Variants in DENR observed in about 807,000 individuals in gnomAD.
DENR encodes density regulated re-initiation and release factor, also known as density-regulated protein.
DENR carries 6 observed loss-of-function variants against 30.6 expected under a neutral mutation model. That is an observed-to-expected ratio of 0.20 (90% CI 0.11 to 0.39). The LOEUF (loss-of-function observed/expected upper bound fraction) is 0.39, where lower values mean the gene tolerates loss of function less well. Ranked by LOEUF, DENR falls within the 10% of genes least tolerant of loss-of-function variation. DENR has a pLI of 1.00. For synonymous variants in DENR, 78 were observed against 72.1 expected (o/e 1.08, Z -0.41); for missense variants, 141 against 230.9 (o/e 0.61, Z 2.52).
intron 4 of DENR, chr12:122,763,200 G>A: frequency 4.1e-6 from 1 of 242,560 alleles, no homozygotes. Flanking sequence ...AGGAGATCAA[G>A]ATCATCTTGG....
In DENR at chr12:122,770,410, T is replaced by C. The variant is rs1355057105; in HGVS notation, c.*1332T>C. 7.7e-6 allele frequency: 3 copies of C among 389,670 alleles called. No individual in the cohort carries two copies. Among genetic ancestry groups the C allele is most frequent in the Non-Finnish European group, 1.4e-5 (3 of 221,142 alleles). The allele number at this position is 389,670 out of a possible 1,614,324, so 24.1% of individuals were successfully genotyped here. On this transcript the variant is annotated 3_prime_UTR_variant, in exon 8 of 8. Transcript: ENST00000280557. ...CAAGTGGAGTACCCCAGATACATTT[T>C]AGACATTTATCGTCATCATCTGCTC...
chr12:122,762,965 A>T (rs1343005176), intron 4 of DENR, 36 bp downstream of exon 4: 5 of 1,196,896 alleles, frequency 4.2e-6, no homozygotes, highest in South Asian at 1.4e-5. Context: ...AAACTTCTGT[A>T]CCTGAGACAA....
chr12:122,757,523 C>G (rs777555942), intron 2 of DENR, among the ~76,000 whole-genome samples: 5 of 152,114 alleles, frequency 3.3e-5, no homozygotes, highest in Non-Finnish European at 7.4e-5. Flanking sequence ...ATTTAATCTT[C>G]AAAATTGAAA....
intron 2 of DENR, among the ~76,000 whole-genome samples, chr12:122,755,631 A>G (rs1355239401): frequency 6.6e-6 from 1 of 152,228 alleles, no homozygotes; most frequent in Non-Finnish European, 1.5e-5. Flanking sequence ...ATTTATTTTA[A>G]CAAGATGCTC....
chr12:122,758,746 A>G (rs1485243167), intron 2 of DENR, among the ~76,000 whole-genome samples: 1 of 152,154 alleles, frequency 6.6e-6, no homozygotes, highest in Non-Finnish European at 1.5e-5. Context: ...TCAAGGCTGC[A>G]TGAGTTAAGA....
chr12:122,760,218 CTA>C (rs1491054232), intron 2 of DENR, among the ~76,000 whole-genome samples: 2 of 152,178 alleles, frequency 1.3e-5, no homozygotes, highest in Admixed American at 1.3e-4. Flanking sequence ...GTTATGTACT[CTA>C]AGCCTCAGTT....
At chr12:122,755,049 A>T (rs1878510278) in intron 2 of DENR, among the ~76,000 whole-genome samples, 1 of 152,230 alleles carries the variant, frequency 6.6e-6, no homozygotes. Context: ...AGTGAATTTG[A>T]GTTTCTCCAA....
In DENR at chr12:122,769,516, T is replaced by C. The variant is rs79106137; in HGVS notation, c.*438T>C. On this transcript the variant is annotated 3_prime_UTR_variant, in exon 8 of 8. Coordinates refer to ENST00000280557, the MANE Select transcript of DENR (RefSeq NM_003677.5). ...ACTTTCTCTCTCTCTCTCTCTCTCTTTTTTTTTTTTGACAGAGTCTCGCAC... is the reference window on the plus strand; with the variant it reads ...ACTTTCTCTCTCTCTCTCTCTCTCTCTTTTTTTTTTGACAGAGTCTCGCAC... 7.4e-4 allele frequency: 593 copies of C among 797,472 alleles called. 2 individuals are homozygous for C. In the African/African-American group the frequency reaches 0.011, roughly 15 times the overall value. The allele number at this position is 797,472 out of a possible 1,614,324, so 49.4% of individuals were successfully genotyped here. A position where few individuals can be genotyped will look rare whatever the true frequency, so the allele number is the denominator to read the frequency against.
intron 2 of DENR, among the ~76,000 whole-genome samples, chr12:122,760,447 A>G (rs969513449): frequency 6.6e-6 from 1 of 152,060 alleles, no homozygotes; most frequent in African/African-American, 2.4e-5. Context: ...CATAAAAACA[A>G]AAGGCCGGGC....
chr12:122,763,589 T>C (rs1461313033), intron 4 of DENR, among the ~76,000 whole-genome samples: 1 of 151,906 alleles, frequency 6.6e-6, no homozygotes, highest in Non-Finnish European at 1.5e-5. Context: ...TAATCCTAGC[T>C]ACTCGGGAGG....
At position 122,769,494 on chromosome 12, in the gene DENR, T is replaced by TTC. The variant is rs150720730; in HGVS notation, c.*436_*437dup. The TTC allele has an allele frequency of 0.047, 42,122 of 888,786 alleles. 526 individuals carry two copies. Among genetic ancestry groups the TTC allele is most frequent in the East Asian group, 0.24 (1,982 of 8,160 alleles). The allele number at this position is 888,786 out of a possible 1,614,324, so 55.1% of individuals were successfully genotyped here. On this transcript the variant is annotated 3_prime_UTR_variant, in exon 8 of 8. Transcript: ENST00000280557. ...AAATTTTGGTCATTTGGTACTGACTTTCTCTCTCTCTCTCTCTCTCTTTTT... is the reference window on the plus strand; with the variant it reads ...AAATTTTGGTCATTTGGTACTGACTTTCTCTCTCTCTCTCTCTCTCTCTTTTT...
intron 6 of DENR, 86 bp from the exon 7 acceptor site, chr12:122,768,696 A>C: frequency 8.2e-7 from 1 of 1,216,866 alleles, no homozygotes; most frequent in East Asian, 2.6e-5. Context: ...TTATGATTTT[A>C]AAATGCAGAT....
At position 122,769,575 on chromosome 12, in the gene DENR, C is replaced by T. The variant is rs182831784; in HGVS notation, c.*497C>T. 8.0e-4 allele frequency: 562 copies of T among 703,114 alleles called. 1 individual carries two copies. Among genetic ancestry groups the T allele is most frequent in the Non-Finnish European group, 9.4e-4 (524 of 558,830 alleles). The allele number at this position is 703,114 out of a possible 1,614,324, so 43.6% of individuals were successfully genotyped here. A position where few individuals can be genotyped will look rare whatever the true frequency, so the allele number is the denominator to read the frequency against. ...GGGCTGGAATGCAGTGGTGCGATCT[C>T]GGCTCACTGCAACCTCCGCCTCCCG... On this transcript the variant is annotated 3_prime_UTR_variant, in exon 8 of 8. Transcript: ENST00000280557.
chr12:122,755,267 A>G (rs1382523141), intron 2 of DENR, among the ~76,000 whole-genome samples: 1 of 152,116 alleles, frequency 6.6e-6, no homozygotes, highest in Non-Finnish European at 1.5e-5. Context: ...ATCTTGTTTT[A>G]TTTTTCTGTA....
chr12:122,757,999 A>G (rs1878594857), intron 2 of DENR, among the ~76,000 whole-genome samples: 1 of 152,232 alleles, frequency 6.6e-6, no homozygotes, highest in Non-Finnish European at 1.5e-5. Context: ...GTTGACAGCG[A>G]AATTTGTAAT....
In DENR at chr12:122,766,777, G is replaced by T. The variant is rs983425588; in HGVS notation, c.296-711G>T. ...CTCCTCTCCTGCCTGTGGCCTAGTG[G>T]CCATTACTGTTGGCACTGCTTTACT... On this transcript the variant is annotated intron_variant, in intron 5 of 7. Transcript: ENST00000280557. Among the ~76,000 whole-genome samples the T allele has an allele frequency of 5.3e-5, 8 of 152,074 alleles. No homozygotes were observed. In the East Asian group the frequency reaches 1.5e-3, roughly 29 times the overall value.
In DENR at chr12:122,765,396, T is replaced by G. The variant is rs1878821569; in HGVS notation, c.295+9T>G. 3.2e-6 allele frequency: 5 copies of G among 1,544,450 alleles called. No individual in the cohort carries two copies. The highest frequency in any genetic ancestry group is 4.4e-6 in the Non-Finnish European group (5 of 1,140,636). ...GAAAAAACAGAAGAGAGGTAAGACC[T>G]AAATTCACATCTTGATTTGTACAGT... On this transcript the variant is annotated intron_variant, in intron 5 of 7. Transcript: ENST00000280557.
In DENR at chr12:122,765,406, T is replaced by C. The variant is rs1878821652; in HGVS notation, c.295+19T>C. The C allele has an allele frequency of 6.5e-7, 1 of 1,536,700 alleles. No individual in the cohort carries two copies. The highest frequency in any genetic ancestry group is 8.8e-7 in the Non-Finnish European group (1 of 1,133,928). ...AAGAGAGGTAAGACCTAAATTCACA[T>C]CTTGATTTGTACAGTCATACCGTCA... On this transcript the variant is annotated intron_variant, in intron 5 of 7. Transcript: ENST00000280557.
At chr12:122,765,865 T>C (rs759971038) in intron 5 of DENR, among the ~76,000 whole-genome samples, 9 of 152,032 alleles carry the variant, frequency 5.9e-5, no homozygotes, top group Non-Finnish European at 1.0e-4. Context: ...TATAAAAAAT[T>C]TTATCTTCTC....
Sources: allele counts gnomAD v4.1 joint callset (sites outside exome capture counted in the v4.1 genomes callset), GRCh38; gene constraint gnomAD v4.1.1; transcripts MANE v1.5; gene names NCBI Gene and HGNC (gene_info 2026-07-23, HGNC 2026-07-21).